ARID1A: variants seen among roughly 807,000 people sequenced by gnomAD.
ARID1A encodes AT-rich interactive domain-containing protein 1A.
In ARID1A, 20 loss-of-function variants were observed where a neutral mutation model predicts 212.6. The observed-to-expected ratio is 0.09, with a 90% CI of 0.07 to 0.14. ARID1A has a LOEUF of 0.14. Ranked by LOEUF, ARID1A falls within the 10% of genes least tolerant of loss-of-function variation. ARID1A has a pLI of 1.00. For synonymous variants in ARID1A, 1,376 were observed against 1,222.1 expected (o/e 1.13, Z -2.63); for missense variants, 2,587 against 3,059.0 (o/e 0.85, Z 3.64).
intron 1 of ARID1A, among the ~76,000 whole-genome samples, chr1:26,705,632 T>G (rs1004761533): frequency 6.6e-6 from 1 of 152,240 alleles, no homozygotes; most frequent in Non-Finnish European, 1.5e-5. Flanking sequence ...TACAGGTGTT[T>G]AGGGGCTTGA....
intron 3 of ARID1A, 105 bp from the exon 4 acceptor site, chr1:26,732,571 T>C: frequency 1.1e-6 from 1 of 887,316 alleles, no homozygotes; most frequent in Non-Finnish European, 1.8e-6. Flanking sequence ...AACTGGACTT[T>C]CTCTCACACT....
intron 1 of ARID1A, among the ~76,000 whole-genome samples, chr1:26,714,798 G>A (rs1038085954): frequency 7.2e-5 from 11 of 152,114 alleles, no homozygotes; most frequent in African/African-American, 2.4e-4. Context: ...GTGGACTTAG[G>A]GGGACCTAGT....
chr1:26,738,735 T>C (rs1366206294), intron 4 of ARID1A, among the ~76,000 whole-genome samples: 1 of 151,966 alleles, frequency 6.6e-6, no homozygotes, highest in Non-Finnish European at 1.5e-5. Flanking sequence ...GTTTTTGTAT[T>C]TTTAGTAGAG....
chr1:26,766,417 C>A (rs2124080962), intron 9 of ARID1A, 40 bp from the exon 10 acceptor site: 1 of 1,613,886 alleles, frequency 6.2e-7, no homozygotes, highest in Non-Finnish European at 8.5e-7. Flanking sequence ...CACATCACAG[C>A]TAAACTTACT....
intron 4 of ARID1A, among the ~76,000 whole-genome samples, chr1:26,746,195 T>G (rs2080834058): frequency 6.6e-6 from 1 of 152,238 alleles, no homozygotes; most frequent in African/African-American, 2.4e-5. Flanking sequence ...CTACAGCTTC[T>G]GGATTTAGTT....
intron 2 of ARID1A, 37 bp downstream of exon 2, chr1:26,729,900 T>G (rs1292319139): frequency 1.9e-6 from 3 of 1,599,568 alleles, no homozygotes; most frequent in Non-Finnish European, 2.6e-6. Flanking sequence ...CCCTTGTTGC[T>G]GTCCAAAATC....
chr1:26,768,689 T>C (rs928780424), intron 11 of ARID1A, among the ~76,000 whole-genome samples: 6 of 152,216 alleles, frequency 3.9e-5, no homozygotes, highest in African/African-American at 1.2e-4. Context: ...AAAACCTGAA[T>C]TGGACACCAC....
chr1:26,778,564 G>C (rs954017318), intron 19 of ARID1A: 1 of 153,452 alleles, frequency 6.5e-6, no homozygotes, highest in African/African-American at 2.4e-5. Context: ...TTGGAGAAGA[G>C]AGCCATGAAC....
chr1:26,755,304 C>T (rs1235582387), intron 4 of ARID1A, among the ~76,000 whole-genome samples: 1 of 152,202 alleles, frequency 6.6e-6, no homozygotes, highest in African/African-American at 2.4e-5. Flanking sequence ...CTATCTGATG[C>T]TGACCAGTTG....
At chr1:26,704,679 A>G (rs2124753904) in intron 1 of ARID1A, among the ~76,000 whole-genome samples, 1 of 152,232 alleles carries the variant, frequency 6.6e-6, no homozygotes, top group Non-Finnish European at 1.5e-5. Flanking sequence ...CTATTAACAT[A>G]GGGAGACCCC....
chr1:26,696,243 G>A lies in ARID1A; in HGVS notation c.-161G>A. 1.1e-6 allele frequency: 1 copy of A among 877,738 alleles called. No homozygotes were observed. Among genetic ancestry groups the A allele is most frequent in the Non-Finnish European group, 1.5e-6 (1 of 687,316 alleles). 54.4% of individuals were successfully genotyped at this position (877,738 alleles called of 1,614,324 possible). On this transcript the variant is annotated 5_prime_UTR_variant, in exon 1 of 20. Coordinates refer to ENST00000324856, the MANE Select transcript of ARID1A (RefSeq NM_006015.6). ...AGCCCGGAGCCTGAGCCGGCGGGGC[G>A]GGGGGGAGAGGAGCGAGCGCAGCGC...
intron 4 of ARID1A, among the ~76,000 whole-genome samples, chr1:26,742,901 C>T (rs1205259961): frequency 2.0e-5 from 3 of 152,068 alleles, no homozygotes; most frequent in African/African-American, 4.8e-5. Context: ...ACCCGAGAGG[C>T]GGAGGTTGCA....
rs768302696 is a variant in ARID1A at position 26,729,811 on chromosome 1, C to A, written c.1298C>A (p.Thr433Asn). Residue 433 changes from threonine (T) to asparagine (N), a missense_variant, in exon 2 of 20, where the codon ACC (threonine) becomes AAC (asparagine). Around this residue, in one of 11 missense-constraint regions of ARID1A, gnomAD observed 674 missense variants for 813.4 expected, o/e 0.83. Coordinates refer to ENST00000324856, the MANE Select transcript of ARID1A (RefSeq NM_006015.6). ...GSQTPQRYPM[T>N]MQGRAQSAMG... ...CAGACCCCGCAGCGGTACCCGATGA[C>A]CATGCAGGGCCGGGCGCAGAGTGCC... 1.2e-6 allele frequency: 2 copies of A among 1,614,236 alleles called. No homozygotes were observed. The highest frequency in any genetic ancestry group is 1.1e-5 in the South Asian group (1 of 91,084).
intron 1 of ARID1A, among the ~76,000 whole-genome samples, 153 bp downstream of exon 1, chr1:26,697,693 C>T (rs1486006036): frequency 6.6e-6 from 1 of 152,080 alleles, no homozygotes; most frequent in Non-Finnish European, 1.5e-5. Context: ...CTTAAAATGG[C>T]TGCCTGTCTG....
At chr1:26,770,671 T>C (rs1478798049) in intron 11 of ARID1A, 1 of 164,268 alleles carries the variant, frequency 6.1e-6, no homozygotes. Flanking sequence ...GATAAGAGAA[T>C]CGCTTGAGCC....
chr1:26,723,780 A>G (rs2080588759), intron 1 of ARID1A, among the ~76,000 whole-genome samples: 1 of 152,090 alleles, frequency 6.6e-6, no homozygotes. Context: ...ATCACAGTAC[A>G]CTGGCCCCCC....
intron 4 of ARID1A, among the ~76,000 whole-genome samples, chr1:26,751,026 G>A (rs992423135): frequency 4.6e-5 from 7 of 151,902 alleles, no homozygotes; most frequent in South Asian, 4.2e-4. Context: ...AGGCCGAGGC[G>A]GGTGGATCAC....
intron 4 of ARID1A, among the ~76,000 whole-genome samples, chr1:26,740,943 G>A (rs921741860): frequency 6.6e-6 from 1 of 152,158 alleles, no homozygotes; most frequent in East Asian, 1.9e-4. Flanking sequence ...CATTTTTGAG[G>A]AAAAGTTAAA....
At chr1:26,736,682 C>T (rs1208170250) in intron 4 of ARID1A, among the ~76,000 whole-genome samples, 2 of 148,894 alleles carry the variant, frequency 1.3e-5, no homozygotes, top group Admixed American at 6.7e-5. Context: ...GCGGGCAAAT[C>T]GCCTGAGGTC....
Sources: allele counts gnomAD v4.1 joint callset (sites outside exome capture counted in the v4.1 genomes callset), GRCh38; gene constraint gnomAD v4.1.1; regional missense constraint gnomAD v4.1.1; transcripts MANE v1.5; gene names NCBI Gene and HGNC (gene_info 2026-07-23, HGNC 2026-07-21).